Variants in TMCC1 observed in about 807,000 individuals in gnomAD.
The protein encoded by TMCC1 is transmembrane and coiled-coil domains protein 1.
Under a neutral mutation model 52.4 loss-of-function variants are expected in TMCC1, and 15 were observed. That is an observed-to-expected ratio of 0.29 (90% CI 0.19 to 0.44). TMCC1 has a LOEUF of 0.44. Among genes scored for constraint, TMCC1 ranks in the 20% least tolerant of loss-of-function variants. The pLI is 1.00. For missense variants in TMCC1, 503 were observed against 806.0 expected (o/e 0.62, Z 4.55); for synonymous variants, 279 against 301.9 (o/e 0.92, Z 0.79).
intron 4 of TMCC1, among the ~76,000 whole-genome samples, chr3:129,748,095 A>G (rs2052144927): frequency 1.3e-5 from 2 of 152,216 alleles, no homozygotes; most frequent in Admixed American, 6.5e-5. Flanking sequence ...AGGTCATGTT[A>G]CATACACCTA....
At chr3:129,874,293 G>C (rs1445387882) in intron 2 of TMCC1, among the ~76,000 whole-genome samples, 1 of 152,160 alleles carries the variant, frequency 6.6e-6, no homozygotes, top group African/African-American at 2.4e-5. Flanking sequence ...AAAAATTATT[G>C]TTTGCCTACC....
intron 4 of TMCC1, among the ~76,000 whole-genome samples, chr3:129,777,222 T>C (rs1474817023): frequency 2.0e-5 from 3 of 152,118 alleles, no homozygotes; most frequent in Non-Finnish European, 4.4e-5. Context: ...CTAAATACAA[T>C]ATCTGCAATA....
At chr3:129,751,960 C>T (rs192915192) in intron 4 of TMCC1, among the ~76,000 whole-genome samples, 16 of 152,268 alleles carry the variant, frequency 1.1e-4, no homozygotes, top group Admixed American at 7.2e-4. Context: ...GGCCTTAGAA[C>T]CCCTTGTTCC....
rs370858265 is a variant in TMCC1, at chr3:129,667,897, G to C, written c.1511+2433C>G. Among the ~76,000 whole-genome samples, 4 of 152,258 alleles carry C rather than the reference G, an allele frequency of 2.6e-5. No homozygotes were observed. The East Asian group carries it at 7.7e-4, about 29-fold the overall frequency. ...AACTACAAGGTATCCATTCAAAATA[G>C]AGGAGTTGACGGGGTATGGTGACTC... On this transcript the variant is annotated intron_variant, in intron 5 of 6. Coordinates refer to ENST00000393238, the MANE Select transcript of TMCC1 (RefSeq NM_001017395.5).
chr3:129,727,754 T>G (rs149020470), intron 4 of TMCC1, among the ~76,000 whole-genome samples: 1 of 152,212 alleles, frequency 6.6e-6, no homozygotes, highest in African/African-American at 2.4e-5. Context: ...GCCAGCCCTC[T>G]TGGTACTGAT....
At chr3:129,742,603 T>C (rs1216464193) in intron 4 of TMCC1, among the ~76,000 whole-genome samples, 1 of 152,152 alleles carries the variant, frequency 6.6e-6, no homozygotes, top group African/African-American at 2.4e-5. Context: ...CATATATTGC[T>C]AGTGGTAAAA....
chr3:129,786,320 C>G (rs2056030876), intron 4 of TMCC1, among the ~76,000 whole-genome samples: 1 of 152,118 alleles, frequency 6.6e-6, no homozygotes, highest in African/African-American at 2.4e-5. Context: ...AGTGATGTTG[C>G]TCCCTTCCTG....
chr3:129,694,695 G>C (rs942417241), intron 4 of TMCC1, among the ~76,000 whole-genome samples: 1 of 152,154 alleles, frequency 6.6e-6, no homozygotes, highest in East Asian at 1.9e-4. Flanking sequence ...GCAATGTCAG[G>C]AAGTTACCCT....
At chr3:129,679,804 C>A (rs183794864) in intron 4 of TMCC1, among the ~76,000 whole-genome samples, 1 of 152,258 alleles carries the variant, frequency 6.6e-6, no homozygotes, top group East Asian at 1.9e-4. Context: ...TTGTGCATGG[C>A]ACTTAGCAGC....
In TMCC1 at chr3:129,649,271, A is replaced by C. The variant is rs2086188963; in HGVS notation, c.*2210T>G. On this transcript the variant is annotated 3_prime_UTR_variant, in exon 7 of 7. Transcript: ENST00000393238. ...TCTGAGCAATTACGCTAAAGCAGAA[A>C]GTTAGGAGAAACTGTCAGTTCAAAA... 1 of 152,206 alleles carries C rather than the reference A, an allele frequency of 6.6e-6. No homozygotes were observed. The highest frequency in any genetic ancestry group is 6.5e-5 in the Admixed American group (1 of 15,282). The allele number at this position is 152,206 out of a possible 1,614,324, so 9.4% of individuals were successfully genotyped here. A position where few individuals can be genotyped will look rare whatever the true frequency, so the allele number is the denominator to read the frequency against.
At chr3:129,673,391 G>A (rs1305221744) in intron 4 of TMCC1, among the ~76,000 whole-genome samples, 1 of 152,156 alleles carries the variant, frequency 6.6e-6, no homozygotes, top group Non-Finnish European at 1.5e-5. Flanking sequence ...ACCTTGATGA[G>A]TATTTATGTT....
chr3:129,781,258 T>A (rs1330132997), intron 4 of TMCC1, among the ~76,000 whole-genome samples: 1 of 152,194 alleles, frequency 6.6e-6, no homozygotes, highest in Non-Finnish European at 1.5e-5. Flanking sequence ...TTGGTCAAGT[T>A]GTTTTCACTG....
chr3:129,883,014 C>A lies in TMCC1; in HGVS notation c.-434-2455G>T, dbSNP rs750618379. Among the ~76,000 whole-genome samples, 20 of 152,168 alleles carry A rather than the reference C, an allele frequency of 1.3e-4. No individual in the cohort carries two copies. The South Asian group carries it at 1.5e-3, about 11-fold the overall frequency. Reference sequence around the variant, plus strand: ...TTAAAAATGGTTAAAATCAGCCAGGCGTGGTGGTTTATGCCTGTAATCCCA... The same window carrying A: ...TTAAAAATGGTTAAAATCAGCCAGGAGTGGTGGTTTATGCCTGTAATCCCA... On this transcript the variant is annotated intron_variant, in intron 1 of 6. Transcript: ENST00000393238.
At chr3:129,807,199 T>C (rs1050238628) in intron 4 of TMCC1, among the ~76,000 whole-genome samples, 2 of 152,142 alleles carry the variant, frequency 1.3e-5, no homozygotes, top group Non-Finnish European at 2.9e-5. Context: ...CTGAAATATA[T>C]AATTTAGGAC....
chr3:129,877,624 CTTTTTTT>C (rs760525326), intron 2 of TMCC1, among the ~76,000 whole-genome samples: 2 of 126,930 alleles, frequency 1.6e-5, no homozygotes, highest in Admixed American at 8.0e-5. Flanking sequence ...ATCCCTAAGT[CTTTTTTT>C]TTTTTTTTTT....
At chr3:129,703,182 T>C (rs2047971144) in intron 4 of TMCC1, among the ~76,000 whole-genome samples, 1 of 152,208 alleles carries the variant, frequency 6.6e-6, no homozygotes, top group Non-Finnish European at 1.5e-5. Context: ...TGCATAGAGC[T>C]TGTGGTTCCA....
intron 4 of TMCC1, among the ~76,000 whole-genome samples, chr3:129,778,879 C>G (rs1233200389): frequency 6.6e-6 from 1 of 152,106 alleles, no homozygotes; most frequent in East Asian, 1.9e-4. Context: ...TCAATTAAAC[C>G]TTTTTCCTTT....
intron 4 of TMCC1, among the ~76,000 whole-genome samples, chr3:129,802,840 G>C (rs1182716679): frequency 6.6e-6 from 1 of 152,152 alleles, no homozygotes; most frequent in South Asian, 2.1e-4. Flanking sequence ...TGTACAAAGA[G>C]GAAAGTCTCT....
intron 1 of TMCC1, among the ~76,000 whole-genome samples, chr3:129,891,542 G>C (rs2061963504): frequency 6.6e-6 from 1 of 152,124 alleles, no homozygotes. Context: ...AAAAACCCTG[G>C]TATGTACTGT....
Sources: gnomAD v4.1 joint callset for allele counts (sites outside exome capture counted in the v4.1 genomes callset) on GRCh38, gnomAD v4.1.1 for gene constraint, MANE v1.5 for transcripts, NCBI Gene and HGNC (gene_info 2026-07-23, HGNC 2026-07-21) for gene names.